SCAPER: variants seen among roughly 807,000 people sequenced by gnomAD.
SCAPER encodes S-phase cyclin A associated protein in the ER.
In SCAPER, 98 loss-of-function variants were observed where a neutral mutation model predicts 182.2. The observed-to-expected ratio is 0.54, with a 90% CI of 0.46 to 0.64. The LOEUF (loss-of-function observed/expected upper bound fraction) is 0.64. Ranked by LOEUF, SCAPER falls within the 30% of genes least tolerant of loss-of-function variation. The probability of loss-of-function intolerance (pLI) is 0.00; values close to 1 mark genes in which losing one functional copy is unlikely to be tolerated. For missense variants in SCAPER, 1,432 were observed against 1,690.0 expected, an observed-to-expected ratio of 0.85 and a Z score of 2.68; for synonymous variants, 605 against 564.6, an observed-to-expected ratio of 1.07 and a Z score of -1.01.
intron 23 of SCAPER, among the ~76,000 whole-genome samples, chr15:76,511,773 A>G (rs1208981114): frequency 6.6e-6 from 1 of 151,746 alleles, no homozygotes; most frequent in East Asian, 1.9e-4. Flanking sequence ...GACTGCACTC[A>G]GTAATTGCTC....
At chr15:76,850,097 G>A (rs1169157964) in intron 4 of SCAPER, among the ~76,000 whole-genome samples, 3 of 152,180 alleles carry the variant, frequency 2.0e-5, no homozygotes, top group Admixed American at 6.5e-5. Context: ...TGAGATTTGG[G>A]TGGGGACACA....
intron 20 of SCAPER, among the ~76,000 whole-genome samples, chr15:76,696,009 C>T (rs1286507174): frequency 2.0e-5 from 3 of 152,186 alleles, no homozygotes; most frequent in African/African-American, 4.8e-5. Context: ...TTTTAAATTA[C>T]TTCTAGTTTG....
intron 23 of SCAPER, among the ~76,000 whole-genome samples, chr15:76,547,074 G>T (rs1023044082): frequency 3.9e-5 from 6 of 152,136 alleles, no homozygotes; most frequent in Non-Finnish European, 8.8e-5. Context: ...CCTAGAAATG[G>T]AGATTTTGGG....
chr15:76,558,294 A>C (rs1347237485), intron 23 of SCAPER, among the ~76,000 whole-genome samples: 3 of 152,202 alleles, frequency 2.0e-5, no homozygotes, highest in Admixed American at 6.5e-5. Flanking sequence ...AACTTAACAA[A>C]TTAACAAACA....
chr15:76,713,423 T>C (rs890292591), intron 17 of SCAPER, among the ~76,000 whole-genome samples: 4 of 151,730 alleles, frequency 2.6e-5, no homozygotes, highest in Admixed American at 6.6e-5. Context: ...ATGTGGCACA[T>C]ATACACCATG....
At chr15:76,551,862 G>A (rs1490390080) in intron 23 of SCAPER, among the ~76,000 whole-genome samples, 1 of 151,976 alleles carries the variant, frequency 6.6e-6, no homozygotes, top group Non-Finnish European at 1.5e-5. Flanking sequence ...TACAACTTCA[G>A]CTAGATTTGT....
chr15:76,535,298 C>T lies in SCAPER; in HGVS notation c.2839-30324G>A, dbSNP rs577487244. Among the ~76,000 whole-genome samples the T allele has an allele frequency of 7.9e-5, 12 of 151,504 alleles. No individual in the cohort carries two copies. In the South Asian group the frequency reaches 1.3e-3, roughly 16 times the overall value. On this transcript the variant is annotated intron_variant, in intron 23 of 31. Transcript: ENST00000563290. ...CAGCACTTTGGGAGGCCGAGGCGGGCGGATCACAAGGTCAGGAGATCGAGA... is the reference window on the plus strand; with the variant it reads ...CAGCACTTTGGGAGGCCGAGGCGGGTGGATCACAAGGTCAGGAGATCGAGA...
intron 27 of SCAPER, among the ~76,000 whole-genome samples, chr15:76,396,608 T>C (rs2044077603): frequency 6.6e-6 from 1 of 152,218 alleles, no homozygotes; most frequent in African/African-American, 2.4e-5. Context: ...TTTTTTGATT[T>C]CAAGATTGTT....
chr15:76,688,507 G>C (rs972567581), intron 20 of SCAPER, among the ~76,000 whole-genome samples: 1 of 152,048 alleles, frequency 6.6e-6, no homozygotes, highest in African/African-American at 2.4e-5. Context: ...TGAATTCTTT[G>C]CCCATGCCTA....
At chr15:76,526,567 C>T (rs898911529) in intron 23 of SCAPER, among the ~76,000 whole-genome samples, 8 of 152,132 alleles carry the variant, frequency 5.3e-5, no homozygotes, top group African/African-American at 9.7e-5. Flanking sequence ...AGTTTATACT[C>T]TATCATTCTG....
At chr15:76,531,376 T>C (rs2043649717) in intron 23 of SCAPER, among the ~76,000 whole-genome samples, 1 of 152,112 alleles carries the variant, frequency 6.6e-6, no homozygotes, top group South Asian at 2.1e-4. Context: ...GGCTTCTGAG[T>C]ATGTGTGAAG....
intron 1 of SCAPER, among the ~76,000 whole-genome samples, chr15:76,902,006 A>T (rs912530174): frequency 2.6e-5 from 4 of 152,228 alleles, no homozygotes; most frequent in African/African-American, 9.6e-5. Context: ...GGCATGAGCC[A>T]CCGTACCCAG....
chr15:76,705,388 G>T (rs1302814762), intron 18 of SCAPER, among the ~76,000 whole-genome samples: 1 of 129,490 alleles, frequency 7.7e-6, no homozygotes, highest in Non-Finnish European at 1.6e-5. Flanking sequence ...TCACACTCTG[G>T]GGACTGTTTT....
chr15:76,424,556 T>C (rs1033407706), intron 26 of SCAPER, among the ~76,000 whole-genome samples: 1 of 152,178 alleles, frequency 6.6e-6, no homozygotes, highest in African/African-American at 2.4e-5. Flanking sequence ...CATTGATGGG[T>C]CTTGACTCTT....
chr15:76,795,129 C>A (rs554877472), intron 8 of SCAPER, 151 bp downstream of exon 8: 337 of 732,910 alleles, frequency 4.6e-4, no homozygotes, highest in Admixed American at 7.5e-4. Context: ...TAGTTTTGCT[C>A]GGCTTTTAAG....
chr15:76,401,924 C>A (rs938415767), intron 27 of SCAPER, among the ~76,000 whole-genome samples: 1 of 152,030 alleles, frequency 6.6e-6, no homozygotes, highest in Non-Finnish European at 1.5e-5. Context: ...GTCAGGAGTT[C>A]GAGACCAGAC....
chr15:76,359,532 G>C (rs2041249512), intron 29 of SCAPER, among the ~76,000 whole-genome samples: 1 of 152,230 alleles, frequency 6.6e-6, no homozygotes, highest in Admixed American at 6.5e-5. Flanking sequence ...TGTGTGTTTT[G>C]AAGCTATTGT....
intron 23 of SCAPER, among the ~76,000 whole-genome samples, chr15:76,541,080 A>G (rs1029491151): frequency 1.3e-5 from 2 of 152,068 alleles, no homozygotes; most frequent in African/African-American, 4.8e-5. Flanking sequence ...AGATCATGCC[A>G]CTGCATTCCA....
intron 5 of SCAPER, among the ~76,000 whole-genome samples, chr15:76,805,402 T>C (rs755744343): frequency 1.3e-5 from 2 of 152,200 alleles, no homozygotes; most frequent in Admixed American, 6.5e-5. Flanking sequence ...GAGTTCCATA[T>C]TCTTCACATC....
Sources: allele counts gnomAD v4.1 joint callset (sites outside exome capture counted in the v4.1 genomes callset), GRCh38; gene constraint gnomAD v4.1.1; transcripts MANE v1.5; gene names NCBI Gene and HGNC (gene_info 2026-07-23, HGNC 2026-07-21).